The following CDH18 variants were observed in gnomAD, a reference collection of about 807,000 sequenced individuals.
The protein encoded by CDH18 is cadherin-18.
CDH18 carries 31 observed loss-of-function variants against 67.9 expected under a neutral mutation model. The observed-to-expected ratio is 0.46, with a 90% CI of 0.34 to 0.62. The LOEUF (loss-of-function observed/expected upper bound fraction) is 0.62, where lower values mean the gene tolerates loss of function less well. Among genes scored for constraint, CDH18 ranks in the 20% least tolerant of loss-of-function variants. The probability of loss-of-function intolerance (pLI) is 0.01; values close to 1 mark genes in which losing one functional copy is unlikely to be tolerated. For synonymous variants in CDH18, 362 were observed against 347.2 expected, an observed-to-expected ratio of 1.04 and a Z score of -0.48; for missense variants, 890 against 975.5, an observed-to-expected ratio of 0.91 and a Z score of 1.17.
intron 6 of CDH18, among the ~76,000 whole-genome samples, chr5:19,611,208 A>G (rs1748900007): frequency 6.6e-6 from 1 of 152,180 alleles, no homozygotes; most frequent in Non-Finnish European, 1.5e-5. Context: ...ACAAGCACGC[A>G]AAAGTGCTGT....
At chr5:20,173,141 A>C (rs1736971489) in intron 2 of CDH18, among the ~76,000 whole-genome samples, 1 of 152,208 alleles carries the variant, frequency 6.6e-6, no homozygotes, top group Non-Finnish European at 1.5e-5. Context: ...GGAAATGATT[A>C]AAGTGTGGAA....
At chr5:20,173,457 A>G (rs1736998338) in intron 2 of CDH18, among the ~76,000 whole-genome samples, 1 of 152,144 alleles carries the variant, frequency 6.6e-6, no homozygotes, top group South Asian at 2.1e-4. Context: ...AGCAATCTAG[A>G]TGGCAGGTTT....
intron 5 of CDH18, among the ~76,000 whole-genome samples, chr5:19,621,216 G>GATTTTTTTT (rs1392006857): frequency 7.1e-6 from 1 of 140,418 alleles, no homozygotes; most frequent in Non-Finnish European, 1.5e-5. Context: ...AAGAACCCAG[G>GATTTTTTTT]TTTTTTTTTT....
chr5:20,330,836 G>A (rs1739102440), intron 1 of CDH18, among the ~76,000 whole-genome samples: 1 of 152,170 alleles, frequency 6.6e-6, no homozygotes. Flanking sequence ...TCTGCCAAGT[G>A]TATTTTACTT....
At chr5:20,414,016 G>T (rs1747046693) in intron 1 of CDH18, among the ~76,000 whole-genome samples, 1 of 151,582 alleles carries the variant, frequency 6.6e-6, no homozygotes, top group African/African-American at 2.4e-5. Flanking sequence ...GATCCAAATT[G>T]GCTATTATTA....
intron 3 of CDH18, among the ~76,000 whole-genome samples, chr5:19,834,998 T>G (rs976139533): frequency 6.6e-6 from 1 of 152,146 alleles, no homozygotes; most frequent in Non-Finnish European, 1.5e-5. Flanking sequence ...AAATACCAGT[T>G]GACCCAGCAA....
At chr5:20,435,209 A>T (rs1159063205) in intron 1 of CDH18, among the ~76,000 whole-genome samples, 1 of 152,074 alleles carries the variant, frequency 6.6e-6, no homozygotes, top group Admixed American at 6.6e-5. Context: ...CATTCAAGGC[A>T]GCTGAGTGTG....
intron 6 of CDH18, among the ~76,000 whole-genome samples, chr5:19,594,099 C>G (rs1181978069): frequency 5.3e-5 from 8 of 151,870 alleles, no homozygotes. Flanking sequence ...CAAAAAGAAG[C>G]CATTTTCATT....
intron 2 of CDH18, among the ~76,000 whole-genome samples, chr5:19,972,852 T>C (rs980761377): frequency 1.3e-5 from 2 of 151,824 alleles, no homozygotes; most frequent in Non-Finnish European, 2.9e-5. Context: ...TTTGTAATAG[T>C]TTTTAATAGA....
At chr5:20,268,993 T>C (rs1479358572) in intron 1 of CDH18, among the ~76,000 whole-genome samples, 2 of 151,876 alleles carry the variant, frequency 1.3e-5, no homozygotes, top group African/African-American at 2.4e-5. Flanking sequence ...GGGATTAATA[T>C]CCACAATATA....
chr5:19,960,404 A>T (rs1457060570), intron 2 of CDH18, among the ~76,000 whole-genome samples: 1 of 151,640 alleles, frequency 6.6e-6, no homozygotes, highest in Non-Finnish European at 1.5e-5. Flanking sequence ...TGATCATCAA[A>T]ATCAATGTTT....
Position 19,923,668 on chromosome 5 carries a change from T to C in CDH18, c.-257+57392A>G, listed in dbSNP as rs530624334. Among the ~76,000 whole-genome samples, 414 of 152,268 alleles carry C rather than the reference T, an allele frequency of 2.7e-3. 3 individuals are homozygous for C. The highest frequency in any genetic ancestry group is 9.7e-3 in the African/African-American group (402 of 41,576). ...CTCCTCCTTATATTTCTTATAATCA[T>C]ATCTCTAACTCAGAACAAACAACTG... is the stretch of plus-strand genomic sequence containing the variant. On this transcript the variant is annotated intron_variant, in intron 2 of 12. Transcript: ENST00000382275.
chr5:20,371,476 A>G (rs187264293), intron 1 of CDH18, among the ~76,000 whole-genome samples: 5 of 152,340 alleles, frequency 3.3e-5, no homozygotes, highest in African/African-American at 9.6e-5. Flanking sequence ...GAACATGACA[A>G]GAGTATGCTT....
chr5:19,636,883 A>C (rs1177335911), intron 5 of CDH18, among the ~76,000 whole-genome samples: 1 of 152,110 alleles, frequency 6.6e-6, no homozygotes, highest in Admixed American at 6.6e-5. Context: ...ATTTTGCAAC[A>C]GTTTTCTTTT....
intron 10 of CDH18, among the ~76,000 whole-genome samples, chr5:19,505,444 G>C (rs910485860): frequency 2.0e-5 from 3 of 152,098 alleles, no homozygotes; most frequent in Non-Finnish European, 4.4e-5. Flanking sequence ...GTATGAGATT[G>C]GCTGTGGGTT....
At chr5:20,081,034 T>C (rs1437985650) in intron 2 of CDH18, among the ~76,000 whole-genome samples, 1 of 152,152 alleles carries the variant, frequency 6.6e-6, no homozygotes, top group African/African-American at 2.4e-5. Context: ...TTAATTACTA[T>C]CACCAAGTAC....
intron 1 of CDH18, among the ~76,000 whole-genome samples, chr5:20,493,936 AAAACAAAAACAG>A (rs1397102762): frequency 6.6e-6 from 1 of 150,542 alleles, no homozygotes; most frequent in East Asian, 1.9e-4. Flanking sequence ...AACAAAAACA[AAAACAAAAACAG>A]CAAAAAAAAA....
At chr5:20,053,234 CATAA>C (rs1295010310) in intron 2 of CDH18, among the ~76,000 whole-genome samples, 2 of 150,984 alleles carry the variant, frequency 1.3e-5, no homozygotes, top group South Asian at 2.1e-4. Flanking sequence ...ATATATGATA[CATAA>C]ATATATATCA....
At chr5:19,926,444 G>A (rs1473695156) in intron 2 of CDH18, among the ~76,000 whole-genome samples, 3 of 152,046 alleles carry the variant, frequency 2.0e-5, no homozygotes, top group Admixed American at 6.6e-5. Flanking sequence ...TCTTAAAACA[G>A]GGACTACATG....
Sources: gnomAD v4.1 joint callset for allele counts (sites outside exome capture counted in the v4.1 genomes callset) on GRCh38, gnomAD v4.1.1 for gene constraint, MANE v1.5 for transcripts, NCBI Gene and HGNC (gene_info 2026-07-23, HGNC 2026-07-21) for gene names.